The following KCNH7 variants were observed in gnomAD, a reference collection of about 807,000 sequenced individuals.
The protein encoded by KCNH7 is potassium voltage-gated channel subfamily H member 7.
Under a neutral mutation model 120.8 loss-of-function variants are expected in KCNH7, and 49 were observed. The observed-to-expected ratio is 0.41, with a 90% CI of 0.32 to 0.51. The LOEUF (loss-of-function observed/expected upper bound fraction) is 0.51. Ranked by LOEUF, KCNH7 falls within the 20% of genes least tolerant of loss-of-function variation. KCNH7 has a pLI of 0.38. For synonymous variants in KCNH7, 547 were observed against 516.1 expected (o/e 1.06, Z -0.81); for missense variants, 1,097 against 1,446.6 (o/e 0.76, Z 3.92).
chr2:162,731,422 T>C (rs909295654), intron 2 of KCNH7, among the ~76,000 whole-genome samples: 5 of 151,742 alleles, frequency 3.3e-5, no homozygotes, highest in Non-Finnish European at 7.4e-5. Context: ...AAAACCTAAA[T>C]GCCTATAAAC....
chr2:162,661,741 GAGA>G (rs944980152), intron 2 of KCNH7, among the ~76,000 whole-genome samples: 2 of 152,078 alleles, frequency 1.3e-5, no homozygotes, highest in Admixed American at 1.3e-4. Flanking sequence ...ATGTAATATT[GAGA>G]AGGAGATACT....
intron 2 of KCNH7, among the ~76,000 whole-genome samples, chr2:162,546,360 T>C (rs1218589876): frequency 6.6e-6 from 1 of 152,202 alleles, no homozygotes; most frequent in Non-Finnish European, 1.5e-5. Context: ...TCCAATTTTA[T>C]TTTTCACCAG....
chr2:162,626,435 T>C (rs1207019203), intron 2 of KCNH7, among the ~76,000 whole-genome samples: 2 of 152,120 alleles, frequency 1.3e-5, no homozygotes, highest in East Asian at 3.9e-4. Flanking sequence ...AGAGGAAGTT[T>C]AACATGAGAG....
At chr2:162,385,701 C>T (rs1436902850) in intron 12 of KCNH7, among the ~76,000 whole-genome samples, 1 of 151,818 alleles carries the variant, frequency 6.6e-6, no homozygotes, top group Admixed American at 6.6e-5. Context: ...GTATAATTCT[C>T]CATCTGGTTT....
chr2:162,796,137 T>G, intron 2 of KCNH7: 1 of 152,034 alleles, frequency 6.6e-6, no homozygotes. Context: ...AGAAACAGCA[T>G]GGAAACTGGA....
At chr2:162,823,597 C>T (rs544710233) in intron 2 of KCNH7, among the ~76,000 whole-genome samples, 1 of 152,258 alleles carries the variant, frequency 6.6e-6, no homozygotes, top group South Asian at 2.1e-4. Context: ...ATAACATAGT[C>T]TTTATTACAC....
intron 4 of KCNH7, among the ~76,000 whole-genome samples, chr2:162,516,306 G>C (rs931276838): frequency 1.3e-5 from 2 of 151,720 alleles, no homozygotes; most frequent in African/African-American, 4.8e-5. Context: ...TTGCACACTC[G>C]AGTGTGAAAT....
At chr2:162,479,673 A>ATG (rs71009359) in intron 6 of KCNH7, among the ~76,000 whole-genome samples, 12,759 of 145,178 alleles carry the variant, frequency 0.088, 654 homozygotes, top group Middle Eastern at 0.16. Context: ...GTGTGTGTGC[A>ATG]TGTGTGTGTG....
chr2:162,529,197 T>C (rs1449784308), intron 3 of KCNH7, among the ~76,000 whole-genome samples: 1 of 152,104 alleles, frequency 6.6e-6, no homozygotes, highest in Admixed American at 6.5e-5. Context: ...ACGCTGTAAG[T>C]AAACAATGAG....
intron 3 of KCNH7, among the ~76,000 whole-genome samples, chr2:162,524,289 C>T (rs1474023141): frequency 2.6e-5 from 4 of 152,022 alleles, no homozygotes; most frequent in Admixed American, 6.6e-5. Flanking sequence ...CTGGCCTTTG[C>T]ATCCCTGTAT....
chr2:162,374,570 A>C (rs976576284), intron 14 of KCNH7, among the ~76,000 whole-genome samples: 1 of 152,198 alleles, frequency 6.6e-6, no homozygotes, highest in African/African-American at 2.4e-5. Flanking sequence ...TGAATAAAAA[A>C]TGGAAATAAA....
At chr2:162,821,101 G>A (rs1456402488) in intron 2 of KCNH7, among the ~76,000 whole-genome samples, 1 of 151,876 alleles carries the variant, frequency 6.6e-6, no homozygotes, top group East Asian at 1.9e-4. Context: ...AAGGCCTAAT[G>A]GAGAGTCCAG....
At chr2:162,545,339 G>A (rs10490429) in intron 2 of KCNH7, among the ~76,000 whole-genome samples, 3,987 of 152,222 alleles carry the variant, frequency 0.026, 192 homozygotes, top group African/African-American at 0.09. Context: ...AGAAGTCTGC[G>A]ATAACATCTA....
chr2:162,733,209 A>G (rs80172594), intron 2 of KCNH7, among the ~76,000 whole-genome samples: 5 of 152,320 alleles, frequency 3.3e-5, no homozygotes, highest in Non-Finnish European at 7.3e-5. Flanking sequence ...TGTGAAAGCA[A>G]ATAAACTAGA....
intron 6 of KCNH7, among the ~76,000 whole-genome samples, chr2:162,488,317 A>G (rs1290696774): frequency 6.6e-6 from 1 of 152,180 alleles, no homozygotes; most frequent in African/African-American, 2.4e-5. Flanking sequence ...GTCCAACAGA[A>G]CTTTTAAAGG....
intron 3 of KCNH7, 149 bp downstream of exon 3, chr2:162,536,776 G>T: frequency 1.3e-6 from 1 of 765,462 alleles, no homozygotes; most frequent in Non-Finnish European, 2.0e-6. Flanking sequence ...GTACCAAAAG[G>T]TAACATGAGC....
intron 2 of KCNH7, among the ~76,000 whole-genome samples, chr2:162,749,164 C>T (rs1477430529): frequency 6.6e-6 from 1 of 151,176 alleles, no homozygotes; most frequent in South Asian, 2.1e-4. Flanking sequence ...CCTCCATTTT[C>T]CACCCCTTTC....
intron 2 of KCNH7, among the ~76,000 whole-genome samples, chr2:162,627,032 TAATTAGTGAGTG>T (rs1468598956): frequency 6.6e-6 from 1 of 152,212 alleles, no homozygotes; most frequent in Non-Finnish European, 1.5e-5. Context: ...AACTATTTGT[TAATTAGTGAGTG>T]AATTCCCTTG....
At chr2:162,546,793 A>G (rs11884875) in intron 2 of KCNH7, among the ~76,000 whole-genome samples, 28,425 of 151,982 alleles carry the variant, frequency 0.19, 4,686 homozygotes, top group African/African-American at 0.44. Context: ...CTGTGTAAAA[A>G]GTACTATACC....
Sources: gnomAD v4.1 joint callset for allele counts (sites outside exome capture counted in the v4.1 genomes callset) on GRCh38, gnomAD v4.1.1 for gene constraint, MANE v1.5 for transcripts, NCBI Gene and HGNC (gene_info 2026-07-23, HGNC 2026-07-21) for gene names.